The following GTF2IRD1 variants were observed in gnomAD, a reference collection of about 807,000 sequenced individuals.
GTF2IRD1 encodes GTF2I repeat domain containing 1.
GTF2IRD1 carries 26 observed loss-of-function variants against 113.2 expected under a neutral mutation model. The observed-to-expected ratio is 0.23, with a 90% CI of 0.17 to 0.32. The LOEUF (loss-of-function observed/expected upper bound fraction) is 0.32. GTF2IRD1 is among the 10% of genes least tolerant of loss of function. GTF2IRD1 has a pLI of 1.00. For missense variants in GTF2IRD1, 864 were observed against 1,280.8 expected (o/e 0.67, Z 4.97); for synonymous variants, 484 against 529.1 (o/e 0.91, Z 1.17).
rs782352221 is a variant in GTF2IRD1 at position 74,590,845 on chromosome 7, C to A, written c.2419C>A (p.Arg807=). 6.2e-7 allele frequency: 1 copy of A among 1,605,550 alleles called. No individual in the cohort carries two copies. Among genetic ancestry groups the A allele is most frequent in the South Asian group, 1.1e-5 (1 of 90,470 alleles). The change falls in exon 24 of 27, where the codon CGG becomes AGG. Residue 807 remains arginine, a synonymous_variant. Coordinates refer to ENST00000424337, the MANE Select transcript of GTF2IRD1 (RefSeq NM_005685.4). ...TCTAGGTGAGGCCCTGGGCCTGAACCGGCCGGTGCTGGTCCCTTATAAACT... is the reference window on the plus strand; with the variant it reads ...TCTAGGTGAGGCCCTGGGCCTGAACAGGCCGGTGCTGGTCCCTTATAAACT... ...EKYGEALGLN[R]PVLVPYKLIR...
chr7:74,599,335 C>G (rs1370425010), intron 25 of GTF2IRD1, among the ~76,000 whole-genome samples: 1 of 152,156 alleles, frequency 6.6e-6, no homozygotes, highest in Non-Finnish European at 1.5e-5. Flanking sequence ...GTAATCCATC[C>G]AATCAGGACG....
At chr7:74,500,431 A>C (rs1181493720) in intron 1 of GTF2IRD1, among the ~76,000 whole-genome samples, 1 of 151,948 alleles carries the variant, frequency 6.6e-6, no homozygotes, top group Non-Finnish European at 1.5e-5. Flanking sequence ...GTTAAAAAAA[A>C]AAAAAAAGAA....
At chr7:74,466,039 G>A (rs1793686209) in intron 1 of GTF2IRD1, among the ~76,000 whole-genome samples, 1 of 152,238 alleles carries the variant, frequency 6.6e-6, no homozygotes, top group Non-Finnish European at 1.5e-5. Flanking sequence ...CCAATGTGTT[G>A]GGATTATAGG....
At chr7:74,526,843 C>T (rs782246644) in intron 8 of GTF2IRD1, among the ~76,000 whole-genome samples, 3 of 152,050 alleles carry the variant, frequency 2.0e-5, no homozygotes, top group African/African-American at 4.8e-5. Flanking sequence ...GTTGAGATTT[C>T]GAAGGTTTCA....
intron 13 of GTF2IRD1, among the ~76,000 whole-genome samples, chr7:74,539,163 G>A (rs587602004): frequency 1.3e-5 from 2 of 152,174 alleles, no homozygotes; most frequent in Non-Finnish European, 2.9e-5. Flanking sequence ...AGCCAAGAGG[G>A]TGCTGGGCAC....
chr7:74,467,477 C>A (rs1451401692), intron 1 of GTF2IRD1, among the ~76,000 whole-genome samples: 2 of 152,076 alleles, frequency 1.3e-5, no homozygotes, highest in Non-Finnish European at 2.9e-5. Context: ...AACAGTTAAT[C>A]CTCTGGGCTA....
intron 15 of GTF2IRD1, 94 bp from the exon 16 acceptor site, chr7:74,545,650 C>A (rs782180997): frequency 8.1e-5 from 76 of 934,578 alleles, no homozygotes; most frequent in Non-Finnish European, 1.3e-4. Context: ...TTCCAAGATC[C>A]CACCACAGGG....
At chr7:74,521,048 C>T (rs1797265130) in intron 6 of GTF2IRD1, among the ~76,000 whole-genome samples, 160 bp from the exon 7 acceptor site, 1 of 151,970 alleles carries the variant, frequency 6.6e-6, no homozygotes, top group African/African-American at 2.4e-5. Context: ...GACCTCTGGT[C>T]AGGGGCCTTG....
intron 4 of GTF2IRD1, 30 bp from the exon 5 acceptor site, chr7:74,518,109 C>T: frequency 1.0e-5 from 15 of 1,442,110 alleles, no homozygotes; most frequent in Non-Finnish European, 1.3e-5. Context: ...CCTCTCATAC[C>T]AGGCCCCTCT....
chr7:74,519,709 C>G lies in GTF2IRD1; in HGVS notation c.906C>G (p.Ser302=). The G allele has an allele frequency of 6.4e-7, 1 of 1,571,552 alleles. No homozygotes were observed. The highest frequency in any genetic ancestry group is 8.6e-7 in the Non-Finnish European group (1 of 1,158,030). ...AGGCCACCGGTGCCCAAGACTTCTC[C>G]GACTGTTGTGGTAACATTGCTGCTG... ...EPKATGAQDF[S]DCCGQKPTGP... is the part of the protein sequence containing the mutation. Residue 302 remains serine, a synonymous_variant, in exon 6 of 27, where the codon TCC becomes TCG. Transcript: ENST00000424337.
chr7:74,492,320 G>A (rs966558238), intron 1 of GTF2IRD1, among the ~76,000 whole-genome samples: 7 of 151,968 alleles, frequency 4.6e-5, no homozygotes, highest in African/African-American at 1.7e-4. Context: ...ACAGGTGCCT[G>A]CCACCACGCC....
intron 1 of GTF2IRD1, among the ~76,000 whole-genome samples, chr7:74,476,971 C>T (rs1162544036): frequency 6.6e-6 from 1 of 152,110 alleles, no homozygotes; most frequent in Non-Finnish European, 1.5e-5. Flanking sequence ...GGAACAAGGG[C>T]TGAGGATGTG....
At chr7:74,465,650 C>T (rs534349634) in intron 1 of GTF2IRD1, among the ~76,000 whole-genome samples, 2 of 152,268 alleles carry the variant, frequency 1.3e-5, no homozygotes, top group African/African-American at 2.4e-5. Context: ...TGTGGGAGCC[C>T]CACTCCCCCA....
chr7:74,583,487 C>T (rs587626680), intron 22 of GTF2IRD1, among the ~76,000 whole-genome samples: 10 of 151,200 alleles, frequency 6.6e-5, no homozygotes, highest in East Asian at 1.9e-4. Flanking sequence ...CCACTACATC[C>T]GGCCAGTTCT....
chr7:74,570,836 C>G (rs1350524929), intron 22 of GTF2IRD1, among the ~76,000 whole-genome samples: 1 of 152,100 alleles, frequency 6.6e-6, no homozygotes, highest in Non-Finnish European at 1.5e-5. Context: ...AGAGCCCTGC[C>G]GGTTTTGGAG....
chr7:74,453,995 C>T lies in GTF2IRD1; in HGVS notation c.-188C>T, dbSNP rs1411124477. On this transcript the variant is annotated 5_prime_UTR_variant, in exon 1 of 27. Coordinates refer to ENST00000424337, the MANE Select transcript of GTF2IRD1 (RefSeq NM_005685.4). ...GCCAGCCCCCCGGCCGGCCGATTCC[C>T]CCCCCGCGCCCCCTCCCCGCGCCTC... is the stretch of plus-strand genomic sequence containing the variant. 1 of 148,214 alleles carries T rather than the reference C, an allele frequency of 6.7e-6. No homozygotes were observed. 9.2% of individuals were successfully genotyped at this position (148,214 alleles called of 1,614,324 possible).
chr7:74,566,612 G>T (rs1189635373), intron 22 of GTF2IRD1, among the ~76,000 whole-genome samples: 1 of 152,182 alleles, frequency 6.6e-6, no homozygotes, highest in Non-Finnish European at 1.5e-5. Flanking sequence ...AAACTGCTGG[G>T]ATTACAGGTG....
At chr7:74,572,102 G>C (rs1554362827) in intron 22 of GTF2IRD1, among the ~76,000 whole-genome samples, 1 of 152,164 alleles carries the variant, frequency 6.6e-6, no homozygotes, top group Admixed American at 6.6e-5. Context: ...CTTCTGTGGG[G>C]TCTCCTGTCA....
chr7:74,597,098 A>G (rs1337201389), intron 25 of GTF2IRD1, among the ~76,000 whole-genome samples: 8 of 151,430 alleles, frequency 5.3e-5, no homozygotes, highest in African/African-American at 1.9e-4. Context: ...GCTGGAGTGC[A>G]GTGGTGTGAT....
Sources: allele counts gnomAD v4.1 joint callset (sites outside exome capture counted in the v4.1 genomes callset), GRCh38; gene constraint gnomAD v4.1.1; transcripts MANE v1.5; gene names NCBI Gene and HGNC (gene_info 2026-07-23, HGNC 2026-07-21).